Variants in ABHD18 observed in about 807,000 individuals in gnomAD.
ABHD18 encodes cardiolipin-specific deacylase, mitochondrial.
Under a neutral mutation model 65.9 loss-of-function variants are expected in ABHD18, and 55 were observed. The observed-to-expected ratio is 0.84, with a 90% CI of 0.67 to 1.05. The LOEUF (loss-of-function observed/expected upper bound fraction) is 1.05, where lower values mean the gene tolerates loss of function less well. ABHD18 is among the 50% of genes least tolerant of loss of function. The probability of loss-of-function intolerance (pLI) is 0.00; values close to 1 mark genes in which losing one functional copy is unlikely to be tolerated. For synonymous variants in ABHD18, 181 were observed against 180.2 expected, an observed-to-expected ratio of 1.00 and a Z score of -0.04; for missense variants, 533 against 558.5, an observed-to-expected ratio of 0.95 and a Z score of 0.46.
chr4:128,016,197 C>T (rs1306702619), intron 7 of ABHD18, among the ~76,000 whole-genome samples: 2 of 151,798 alleles, frequency 1.3e-5, no homozygotes, highest in East Asian at 3.9e-4. Context: ...CATGATCTGC[C>T]CACCTTGGCC....
At chr4:128,031,981 A>G (rs1013322378) in intron 12 of ABHD18, among the ~76,000 whole-genome samples, 1 of 152,234 alleles carries the variant, frequency 6.6e-6, no homozygotes, top group Non-Finnish European at 1.5e-5. Context: ...AAGTTCTGTT[A>G]TACATGTGAA....
Position 128,019,242 on chromosome 4 carries a change from A to G in ABHD18, c.610-838A>G, listed in dbSNP as rs1039410484. 1.3e-5 allele frequency among the ~76,000 whole-genome samples: 2 copies of G among 152,054 alleles called. 1 individual carries two copies. The highest frequency in any genetic ancestry group is 2.9e-5 in the Non-Finnish European group (2 of 68,026). ...TTACCTTCTTTGAATCACTTCTTTGACAATACTACTCCTTTGCTCAGACCT... is the reference window on the plus strand; with the variant it reads ...TTACCTTCTTTGAATCACTTCTTTGGCAATACTACTCCTTTGCTCAGACCT... On this transcript the variant is annotated intron_variant, in intron 8 of 12. Coordinates refer to ENST00000645843, the MANE Select transcript of ABHD18 (RefSeq NM_001358451.3).
chr4:127,986,945 A>G (rs983870664), intron 3 of ABHD18, among the ~76,000 whole-genome samples: 1 of 152,184 alleles, frequency 6.6e-6, no homozygotes, highest in Non-Finnish European at 1.5e-5. Context: ...CATGTTATGT[A>G]TAATATGTGT....
At chr4:127,968,205 G>A (rs896491348) in intron 1 of ABHD18, among the ~76,000 whole-genome samples, 1 of 152,164 alleles carries the variant, frequency 6.6e-6, no homozygotes, top group South Asian at 2.1e-4. Context: ...GCGAGACTCC[G>A]TCTCAAAAAA....
At position 128,039,487 on chromosome 4, in the gene ABHD18, A is replaced by G. The variant is rs1579515438; in HGVS notation, c.*3674A>G. ...AAGACCTCTAAGTTTGAGACCCCTGATTTAGATCTGTAATTAGAAAAAGGT... is the reference window on the plus strand; with the variant it reads ...AAGACCTCTAAGTTTGAGACCCCTGGTTTAGATCTGTAATTAGAAAAAGGT... On this transcript the variant is annotated 3_prime_UTR_variant, in exon 13 of 13. Coordinates refer to ENST00000645843, the MANE Select transcript of ABHD18 (RefSeq NM_001358451.3). 1 of 152,120 alleles carries G rather than the reference A, an allele frequency of 6.6e-6. No individual in the cohort carries two copies. The highest frequency in any genetic ancestry group is 2.1e-4 in the South Asian group (1 of 4,820). 9.4% of individuals were successfully genotyped at this position (152,120 alleles called of 1,614,324 possible).
At chr4:127,976,294 G>A (rs923797716) in intron 1 of ABHD18, among the ~76,000 whole-genome samples, 1 of 152,016 alleles carries the variant, frequency 6.6e-6, no homozygotes, top group Non-Finnish European at 1.5e-5. Context: ...TTTTACAGGT[G>A]AACATTTGTA....
intron 12 of ABHD18, among the ~76,000 whole-genome samples, chr4:128,033,740 GTTA>G (rs1325058719): frequency 3.3e-5 from 5 of 151,388 alleles, no homozygotes; most frequent in African/African-American, 1.2e-4. Flanking sequence ...GTTTCACCAT[GTTA>G]GCCAGGATGG....
chr4:128,000,367 T>G (rs1370674528), intron 4 of ABHD18, among the ~76,000 whole-genome samples: 1 of 152,188 alleles, frequency 6.6e-6, no homozygotes, highest in East Asian at 1.9e-4. Flanking sequence ...CTAACACCAT[T>G]TATTGAATAG....
chr4:127,996,016 C>G (rs1054051062), intron 4 of ABHD18, among the ~76,000 whole-genome samples: 1 of 152,152 alleles, frequency 6.6e-6, no homozygotes. Flanking sequence ...TAACGGCTTC[C>G]CACTTCTGAA....
At chr4:127,977,698 C>A (rs1168535589) in intron 1 of ABHD18, among the ~76,000 whole-genome samples, 1 of 152,114 alleles carries the variant, frequency 6.6e-6, no homozygotes, top group Non-Finnish European at 1.5e-5. Context: ...ACGAATAAGT[C>A]TCTGCTAAAT....
intron 1 of ABHD18, among the ~76,000 whole-genome samples, chr4:127,978,383 A>G (rs1197777382): frequency 6.6e-6 from 1 of 152,158 alleles, no homozygotes; most frequent in East Asian, 1.9e-4. Context: ...GGAATTTAAT[A>G]TTTTAAAGAA....
intron 9 of ABHD18, 51 bp downstream of exon 9, chr4:128,020,220 TG>T: frequency 6.9e-7 from 1 of 1,458,994 alleles, no homozygotes; most frequent in Non-Finnish European, 9.5e-7. Flanking sequence ...TAGAGGTAAT[TG>T]TTTTGGGGGG....
chr4:127,982,621 GCAGATAATA>G (rs948359245), intron 1 of ABHD18, among the ~76,000 whole-genome samples: 3 of 152,118 alleles, frequency 2.0e-5, no homozygotes, highest in African/African-American at 7.2e-5. Flanking sequence ...GTGGTGCCTG[GCAGATAATA>G]CACTATCACA....
chr4:128,026,098 G>A (rs1757309406), intron 10 of ABHD18, among the ~76,000 whole-genome samples: 1 of 152,110 alleles, frequency 6.6e-6, no homozygotes, highest in Non-Finnish European at 1.5e-5. Flanking sequence ...AGACCAGCCT[G>A]GCCAACATGG....
intron 10 of ABHD18, among the ~76,000 whole-genome samples, chr4:128,026,373 C>T (rs900938370): frequency 3.3e-5 from 5 of 151,228 alleles, no homozygotes; most frequent in Non-Finnish European, 5.9e-5. Context: ...GCAGGAGAAT[C>T]GCTTGAACCC....
intron 1 of ABHD18, among the ~76,000 whole-genome samples, chr4:127,973,247 C>T (rs1395443132): frequency 6.6e-6 from 1 of 152,172 alleles, no homozygotes; most frequent in Non-Finnish European, 1.5e-5. Flanking sequence ...AACTGCTGGA[C>T]TCAAGCGGTC....
rs996416880 is a variant in ABHD18, at chr4:128,033,959, CTT to C, written c.1344-1786_1344-1785del. Among the ~76,000 whole-genome samples, 331 of 123,406 alleles carry C rather than the reference CTT, an allele frequency of 2.7e-3. 1 individual carries two copies. The highest frequency in any genetic ancestry group is 8.6e-3 in the African/African-American group (286 of 33,410). 81.0% of individuals were successfully genotyped at this position (123,406 alleles called of 152,430 possible). The stretch of plus-strand genomic sequence containing the variant: ...AATATAGACATGCATTTTCTTTTTT[CTT>C]TTTTTTTTTTTTTTTTGAGCTGGAG... On this transcript the variant is annotated intron_variant, in intron 12 of 12. Transcript: ENST00000645843.
At chr4:127,985,341 T>C (rs1261220466) in intron 3 of ABHD18, among the ~76,000 whole-genome samples, 1 of 152,108 alleles carries the variant, frequency 6.6e-6, no homozygotes, top group Non-Finnish European at 1.5e-5. Context: ...CACACATCCC[T>C]CACTCGCCTT....
intron 1 of ABHD18, among the ~76,000 whole-genome samples, chr4:127,982,618 C>T (rs575400545): frequency 3.9e-5 from 6 of 152,076 alleles, no homozygotes; most frequent in Non-Finnish European, 7.4e-5. Flanking sequence ...ATAGTGGTGC[C>T]TGGCAGATAA....
Sources: allele counts gnomAD v4.1 joint callset (sites outside exome capture counted in the v4.1 genomes callset), GRCh38; gene constraint gnomAD v4.1.1; transcripts MANE v1.5; gene names NCBI Gene and HGNC (gene_info 2026-07-23, HGNC 2026-07-21).